The following LCMT1 variants were observed in gnomAD, a reference collection of about 807,000 sequenced individuals.
LCMT1 encodes the protein [Phosphatase 2A protein]-leucine-carboxy methyltransferase 1.
A neutral mutation model predicts 47.7 loss-of-function variants in LCMT1; 32 were observed. That is an observed-to-expected ratio of 0.67 (90% confidence interval 0.51 to 0.90). The LOEUF is 0.90. Among genes scored for constraint, LCMT1 ranks in the 40% least tolerant of loss-of-function variants. The probability of loss-of-function intolerance (pLI) is 0.00; values close to 1 mark genes in which losing one functional copy is unlikely to be tolerated. For missense variants in LCMT1, 375 were observed against 415.2 expected (o/e 0.90, Z 0.84); for synonymous variants, 152 against 149.7 (o/e 1.02, Z -0.11).
chr16:25,123,252 T>A (rs192260017), intron 1 of LCMT1, among the ~76,000 whole-genome samples: 4 of 130,980 alleles, frequency 3.1e-5, no homozygotes, highest in Admixed American at 9.0e-5. Flanking sequence ...TGTGACAGAG[T>A]CTTGCTCTGT....
chr16:25,151,419 C>A, intron 4 of LCMT1, 135 bp from the exon 5 acceptor site: 1 of 709,216 alleles, frequency 1.4e-6, no homozygotes, highest in Non-Finnish European at 2.4e-6. Flanking sequence ...TTTAGAGGGG[C>A]CCCTGCTTTG....
At chr16:25,135,743 A>G (rs913712638) in intron 3 of LCMT1, among the ~76,000 whole-genome samples, 1 of 152,160 alleles carries the variant, frequency 6.6e-6, no homozygotes, top group African/African-American at 2.4e-5. Flanking sequence ...AAAGACTCCC[A>G]TCTGCTGGCA....
chr16:25,138,190 G>C (rs1046900649), intron 3 of LCMT1, among the ~76,000 whole-genome samples: 6 of 152,216 alleles, frequency 3.9e-5, no homozygotes, highest in Non-Finnish European at 8.8e-5. Context: ...CTGGGCAGGT[G>C]GGCCAGGCTA....
At chr16:25,157,712 G>A (rs574552933) in intron 5 of LCMT1, among the ~76,000 whole-genome samples, 1 of 152,230 alleles carries the variant, frequency 6.6e-6, no homozygotes, top group Admixed American at 6.5e-5. Context: ...AATTCTTTGG[G>A]TTGGGTTCAT....
chr16:25,154,596 C>T (rs1318709477), intron 5 of LCMT1, among the ~76,000 whole-genome samples: 1 of 150,826 alleles, frequency 6.6e-6, no homozygotes, highest in Non-Finnish European at 1.5e-5. Context: ...ATGCCATTCT[C>T]CTGCCTCAGC....
At chr16:25,120,299 C>G (rs1959931722) in intron 1 of LCMT1, among the ~76,000 whole-genome samples, 1 of 151,722 alleles carries the variant, frequency 6.6e-6, no homozygotes, top group South Asian at 2.1e-4. Context: ...TCTCGGGTCA[C>G]TGCAACCTCC....
chr16:25,149,651 T>G (rs1961007467), intron 4 of LCMT1, among the ~76,000 whole-genome samples: 1 of 152,352 alleles, frequency 6.6e-6, no homozygotes, highest in African/African-American at 2.4e-5. Context: ...CAGTGGCTTA[T>G]GCCTGTAATC....
intron 9 of LCMT1, among the ~76,000 whole-genome samples, chr16:25,171,436 A>C (rs893296681): frequency 6.7e-6 from 1 of 149,662 alleles, no homozygotes; most frequent in Admixed American, 6.7e-5. Context: ...ACAAACAAAC[A>C]AAAAAAAACC....
intron 4 of LCMT1, chr16:25,148,981 C>T (rs1254991367): frequency 6.6e-6 from 1 of 152,228 alleles, no homozygotes; most frequent in Non-Finnish European, 1.5e-5. Flanking sequence ...TTAGCAAAGC[C>T]TGGTAACTGA....
chr16:25,148,370 A>G (rs1449141759), intron 4 of LCMT1: 1 of 152,300 alleles, frequency 6.6e-6, no homozygotes, highest in Non-Finnish European at 1.5e-5. Flanking sequence ...GCATAAAGGC[A>G]GCACCCAGAG....
At chr16:25,170,076 C>T (rs763125605) in intron 8 of LCMT1, among the ~76,000 whole-genome samples, 3 of 151,892 alleles carry the variant, frequency 2.0e-5, no homozygotes, top group African/African-American at 4.8e-5. Context: ...AAAAATTAGC[C>T]GGGTGTGGTG....
rs116083761 is a variant in LCMT1 at position 25,140,757 on chromosome 16, C to T, written c.404+510C>T. The T allele has an allele frequency of 1.3e-3, 209 of 154,896 alleles. 1 individual carries two copies. Among genetic ancestry groups the T allele is most frequent in the African/African-American group, 4.8e-3 (199 of 41,526 alleles). 9.6% of individuals were successfully genotyped at this position (154,896 alleles called of 1,614,324 possible). ...ATGGGCCACTTGGTGGTCTGGCTGG[C>T]GGCAAGAAGACTGTCAATCAGTTGT... On this transcript the variant is annotated intron_variant, in intron 4 of 10. Transcript: ENST00000399069.
intron 1 of LCMT1, among the ~76,000 whole-genome samples, chr16:25,115,063 G>A (rs1484566309): frequency 1.3e-5 from 2 of 152,060 alleles, no homozygotes; most frequent in Non-Finnish European, 2.9e-5. Context: ...CTTCCTATCT[G>A]ATTCTGTCAC....
chr16:25,158,419 G>A (rs1428441538), intron 5 of LCMT1, among the ~76,000 whole-genome samples: 2 of 152,248 alleles, frequency 1.3e-5, no homozygotes, highest in Non-Finnish European at 2.9e-5. Flanking sequence ...CCAGGCATAA[G>A]CCACTGCGCC....
At position 25,167,194 on chromosome 16, in the gene LCMT1, C is replaced by T. The variant is rs566487475; in HGVS notation, c.691-1918C>T. On this transcript the variant is annotated intron_variant, in intron 7 of 10. Coordinates refer to ENST00000399069, the MANE Select transcript of LCMT1 (RefSeq NM_016309.3). ...GTTCTGCTCCCACCCACCACCCTCA[C>T]CTGGTGAATAATGAACATTTAAGTT... Among the ~76,000 whole-genome samples, 12 of 152,280 alleles carry T rather than the reference C, an allele frequency of 7.9e-5. No homozygotes were observed. The South Asian group carries it at 2.1e-3, about 26-fold the overall frequency.
chr16:25,177,988 T>A lies in LCMT1; in HGVS notation c.983-13T>A. The A allele has an allele frequency of 6.2e-7, 1 of 1,613,546 alleles. No homozygotes were observed. The highest frequency in any genetic ancestry group is 1.1e-5 in the South Asian group (1 of 91,030). On this transcript the variant is annotated splice_polypyrimidine_tract_variant and intron_variant, in intron 10 of 10. Coordinates refer to ENST00000399069, the MANE Select transcript of LCMT1 (RefSeq NM_016309.3). ...AGAGTCTCCTAATGGTGTCTGTGTG[T>A]CTCTCCCCTCAGGGCTGAAGGAGAT... is the stretch of plus-strand genomic sequence containing the variant.
intron 4 of LCMT1, chr16:25,141,509 C>T (rs1960692829): frequency 6.6e-6 from 1 of 152,186 alleles, no homozygotes; most frequent in African/African-American, 2.4e-5. Context: ...CCAAGGCCAC[C>T]TAATTTTTTT....
chr16:25,154,676 G>A (rs1412250433), intron 5 of LCMT1, among the ~76,000 whole-genome samples: 1 of 151,746 alleles, frequency 6.6e-6, no homozygotes, highest in East Asian at 1.9e-4. Flanking sequence ...TTTTAGTAGA[G>A]ACGGGGTTTC....
At chr16:25,152,820 G>T (rs937156488) in intron 5 of LCMT1, among the ~76,000 whole-genome samples, 2 of 152,040 alleles carry the variant, frequency 1.3e-5, no homozygotes, top group Non-Finnish European at 2.9e-5. Context: ...AATTTTCTCC[G>T]TTTTTTCCCT....
Sources: allele counts gnomAD v4.1 joint callset (sites outside exome capture counted in the v4.1 genomes callset), GRCh38; gene constraint gnomAD v4.1.1; transcripts MANE v1.5; gene names NCBI Gene and HGNC (gene_info 2026-07-23, HGNC 2026-07-21).